Variants in IQCN observed in about 807,000 individuals in gnomAD.
IQCN encodes IQ domain-containing protein N.
A neutral mutation model predicts 64.4 loss-of-function variants in IQCN; 46 were observed. That is an observed-to-expected ratio of 0.71 (90% CI 0.56 to 0.91). IQCN has a LOEUF of 0.91. Ranked by LOEUF, IQCN falls within the 40% of genes least tolerant of loss-of-function variation. The pLI is 0.00. For synonymous variants in IQCN, 733 were observed against 775.6 expected (o/e 0.95, Z 0.91); for missense variants, 1,753 against 1,857.4 (o/e 0.94, Z 1.03).
In IQCN at chr19:18,269,584, TG is replaced by T; in HGVS notation, c.-107del. The T allele has an allele frequency of 9.2e-7, 1 of 1,084,018 alleles. No homozygotes were observed. Among genetic ancestry groups the T allele is most frequent in the South Asian group, 1.4e-5 (1 of 70,502 alleles). 67.1% of individuals were successfully genotyped at this position (1,084,018 alleles called of 1,614,324 possible). ...CATGCAATATGCAGCAACACTGCCC[TG>T]GGCTGGCTCAAGACCAACACAAAAA... On this transcript the variant is annotated splice_region_variant and 5_prime_UTR_variant, in exon 2 of 4. Coordinates refer to ENST00000392413, the MANE Select transcript of IQCN (RefSeq NM_001145304.2).
intron 1 of IQCN, among the ~76,000 whole-genome samples, chr19:18,272,801 G>A (rs1345869377): frequency 1.3e-5 from 2 of 151,774 alleles, no homozygotes; most frequent in Non-Finnish European, 2.9e-5. Flanking sequence ...TAGTAGAGAC[G>A]GGGTTTCACT....
intron 2 of IQCN, among the ~76,000 whole-genome samples, chr19:18,268,224 AAG>A (rs940402845): frequency 3.8e-4 from 43 of 113,916 alleles, no homozygotes; most frequent in South Asian, 2.9e-4. Context: ...GTGTTTGAAA[AAG>A]AGAGAGAGAG....
In IQCN at chr19:18,267,048, A is replaced by G; in HGVS notation, c.492T>C (p.Pro164=). Residue 164 remains proline (P), a synonymous_variant, in exon 3 of 4, where the codon CCT becomes CCC. Coordinates refer to ENST00000392413, the MANE Select transcript of IQCN (RefSeq NM_001145304.2). The part of the protein sequence containing the change: ...KKTRAEEGDI[P]YHAPQQVRFQ... ...AGCGCACCTGCTGTGGGGCGTGATA[A>G]GGTATGTCCCCCTCCTCCGCCCTCG... 2 of 1,614,220 alleles carry G rather than the reference A, an allele frequency of 1.2e-6. No individual in the cohort carries two copies. Among genetic ancestry groups the G allele is most frequent in the Middle Eastern group, 1.6e-4 (1 of 6,062 alleles).
At chr19:18,273,463 A>G (rs1437691679) in intron 1 of IQCN, among the ~76,000 whole-genome samples, 2 of 152,124 alleles carry the variant, frequency 1.3e-5, no homozygotes, top group Admixed American at 6.5e-5. Flanking sequence ...CAGCCTCCCA[A>G]ATAGCTAGGA....
At chr19:18,262,025 T>C (rs1262824544) in intron 3 of IQCN, 3 of 153,050 alleles carry the variant, frequency 2.0e-5, no homozygotes, top group African/African-American at 4.8e-5. Flanking sequence ...TGGCCACAGA[T>C]AGGTAGCCTG....
At chr19:18,258,160 G>A (rs746253487) in intron 3 of IQCN, 54 bp from the exon 4 acceptor site, 1 of 1,573,554 alleles carries the variant, frequency 6.4e-7, no homozygotes, top group Non-Finnish European at 8.7e-7. Context: ...GGATTCTGGG[G>A]GCTATAGGAG....
chr19:18,266,277 C>T lies in IQCN; in HGVS notation c.1263G>A (p.Ala421=), dbSNP rs377121664. The change falls in exon 3 of 4, where the codon GCG becomes GCA. Residue 421 remains alanine (A), a synonymous_variant. Transcript: ENST00000392413. This position sits in a 1 kb window ranked among gnomAD's most constrained non-coding sequence, Gnocchi z 4.3. ...RTGTPRQTCP[A]TITAKNRPQV... is the part of the protein sequence containing the mutation. ...GAGGTCGGTTCTTTGCCGTGATGGT[C>T]GCAGGGCATGTCTGCCGTGGGGTGC... The T allele has an allele frequency of 2.9e-5, 47 of 1,613,136 alleles. No homozygotes were observed. The highest frequency in any genetic ancestry group is 1.6e-4 in the Middle Eastern group (1 of 6,074).
chr19:18,266,274 G>A lies in IQCN; in HGVS notation c.1266C>T (p.Thr422=). 6.2e-7 allele frequency: 1 copy of A among 1,613,696 alleles called. No homozygotes were observed. Among genetic ancestry groups the A allele is most frequent in the Non-Finnish European group, 8.5e-7 (1 of 1,179,796 alleles). ...CCTGAGGTCGGTTCTTTGCCGTGAT[G>A]GTCGCAGGGCATGTCTGCCGTGGGG... ...TGTPRQTCPA[T]ITAKNRPQVS... The change falls in exon 3 of 4, where the codon ACC becomes ACT. Residue 422 remains threonine, a synonymous_variant. Coordinates refer to ENST00000392413, the MANE Select transcript of IQCN (RefSeq NM_001145304.2). The surrounding 1 kb of genome is among the most constrained non-coding windows in gnomAD (Gnocchi z 4.3).
rs181166303 is a variant in IQCN at position 18,272,405 on chromosome 19, G to A, written c.-110+1998C>T. 5.4e-3 allele frequency among the ~76,000 whole-genome samples: 818 copies of A among 152,194 alleles called. 3 individuals are homozygous for A. Among genetic ancestry groups the A allele is most frequent in the Non-Finnish European group, 7.9e-3 (538 of 68,010 alleles). ...GGCCTCCCAAAGTGCTGGGATTACA[G>A]GCATGAGCCACCGCGCCCGGCCTTA... On this transcript the variant is annotated intron_variant, in intron 1 of 3. Coordinates refer to ENST00000392413, the MANE Select transcript of IQCN (RefSeq NM_001145304.2).
chr19:18,266,820 G>C lies in IQCN; in HGVS notation c.720C>G (p.His240Gln). Residue 240 changes from histidine (H) to glutamine (Q), a missense_variant, in exon 3 of 4, where the codon CAC becomes CAG. Physicochemically the swap from His to Gln is conservative, Grantham distance 24 (BLOSUM62 0). Coordinates refer to ENST00000392413, the MANE Select transcript of IQCN (RefSeq NM_001145304.2). This position sits in a 1 kb window ranked among gnomAD's most constrained non-coding sequence, Gnocchi z 4.3. The part of the protein sequence containing the change: ...ARVRGLAFLP[H>Q]QTVTIRFPCP... The stretch of plus-strand genomic sequence containing the variant: ...AGGGAAATCTGATGGTGACCGTCTG[G>C]TGTGGCAGGAAGGCCAGCCCCCGGA... 2 of 1,614,136 alleles carry C rather than the reference G, an allele frequency of 1.2e-6. No homozygotes were observed. The highest frequency in any genetic ancestry group is 1.6e-4 in the Middle Eastern group (1 of 6,062).
Position 18,269,591 on chromosome 19 carries a change from G to T in IQCN, c.-109-4C>A. The stretch of plus-strand genomic sequence containing the variant: ...TATGCAGCAACACTGCCCTGGGCTG[G>T]CTCAAGACCAACACAAAAAGAAATG... On this transcript the variant is annotated splice_polypyrimidine_tract_variant and splice_region_variant and intron_variant, in intron 1 of 3. Transcript: ENST00000392413. 2.3e-6 allele frequency: 2 copies of T among 854,254 alleles called. No homozygotes were observed. Among genetic ancestry groups the T allele is most frequent in the East Asian group, 2.9e-5 (1 of 34,870 alleles). The allele number at this position is 854,254 out of a possible 1,614,324, so 52.9% of individuals were successfully genotyped here. A position where few individuals can be genotyped will look rare whatever the true frequency, so the allele number is the denominator to read the frequency against.
Position 18,264,622 on chromosome 19 carries a change from T to C in IQCN, c.2918A>G (p.Glu973Gly). ...LTKVMQGKLAEVLSKALTEEE... is the reference protein window; with the variant it reads ...LTKVMQGKLAGVLSKALTEEE... Reference sequence around the variant, plus strand: ...CTCCGTCAAAGCCTTGCTAAGCACCTCGGCCAATTTACCCTGCATGACCTT... The same window carrying C: ...CTCCGTCAAAGCCTTGCTAAGCACCCCGGCCAATTTACCCTGCATGACCTT... Residue 973 changes from glutamate (E) to glycine (G), a missense_variant, in exon 3 of 4, where the codon GAG (glutamate) becomes GGG (glycine). Physicochemically the swap from Glu to Gly is moderately conservative, Grantham distance 98. Coordinates refer to ENST00000392413, the MANE Select transcript of IQCN (RefSeq NM_001145304.2). The surrounding 1 kb of genome is among the most constrained non-coding windows in gnomAD (Gnocchi z 4.3). 1 of 1,551,242 alleles carries C rather than the reference T, an allele frequency of 6.4e-7. No individual in the cohort carries two copies. Among genetic ancestry groups the C allele is most frequent in the East Asian group, 2.4e-5 (1 of 40,882 alleles).
rs1294386148 is a variant in IQCN, at chr19:18,266,475, T to C, written c.1065A>G (p.Pro355=). 6.3e-7 allele frequency: 1 copy of C among 1,587,040 alleles called. No individual in the cohort carries two copies. Among genetic ancestry groups the C allele is most frequent in the Non-Finnish European group, 8.6e-7 (1 of 1,167,156 alleles). ...VVSVTLPQTY[P]ASTMTTTPPK... is the part of the protein sequence containing the mutation. Reference sequence around the variant, plus strand: ...GTGGGGTGGTGGTCATCGTGGACGCTGGATATGTCTGTGGCAGGGTCACGG... The same window carrying C: ...GTGGGGTGGTGGTCATCGTGGACGCCGGATATGTCTGTGGCAGGGTCACGG... Residue 355 remains proline (P), a synonymous_variant, in exon 3 of 4, where the codon CCA becomes CCG. Transcript: ENST00000392413. The surrounding 1 kb of genome is among the most constrained non-coding windows in gnomAD (Gnocchi z 4.3).
rs983395872 is a variant in IQCN, at chr19:18,266,777, C to T, written c.763G>A (p.Ala255Thr). 3.1e-6 allele frequency: 5 copies of T among 1,614,050 alleles called. No individual in the cohort carries two copies. The highest frequency in any genetic ancestry group is 4.5e-5 in the East Asian group (2 of 44,898). Residue 255 changes from alanine (A) to threonine (T), a missense_variant, in exon 3 of 4, where the codon GCA (alanine) becomes ACA (threonine). Transcript: ENST00000392413. The surrounding 1 kb of genome is among the most constrained non-coding windows in gnomAD (Gnocchi z 4.3). ...IRFPCPVSLDAKCQPCLLTRT... is the reference protein window; with the variant it reads ...IRFPCPVSLDTKCQPCLLTRT... ...GTCAGCAGGCATGGCTGGCATTTTGCGTCCAGACTCACTGGGCAGGGAAAT... is the reference window on the plus strand; with the variant it reads ...GTCAGCAGGCATGGCTGGCATTTTGTGTCCAGACTCACTGGGCAGGGAAAT...
Position 18,265,147 on chromosome 19 carries a change from T to G in IQCN, c.2393A>C (p.Lys798Thr). 6.2e-7 allele frequency: 1 copy of G among 1,607,188 alleles called. No individual in the cohort carries two copies. The highest frequency in any genetic ancestry group is 2.2e-5 in the East Asian group (1 of 44,878). Reference protein sequence around the residue: ...LGGLSAPPWAKPEDRQTQPQP... With the variant: ...LGGLSAPPWATPEDRQTQPQP... ...TGGCTGGGTCTGTCTGTCCTCTGGC[T>G]TGGCCCAGGGTGGGGCGCTGAGGCC... The change falls in exon 3 of 4, where the codon AAG (lysine) becomes ACG (threonine). Residue 798 changes from lysine to threonine, a missense_variant. By Grantham distance (78) the Lys-to-Thr change is moderately conservative. Transcript: ENST00000392413. This position sits in a 1 kb window ranked among gnomAD's most constrained non-coding sequence, Gnocchi z 4.7.
In IQCN at chr19:18,257,946, C is replaced by T. The variant is rs778676149; in HGVS notation, c.3338G>A (p.Arg1113His). The T allele has an allele frequency of 3.7e-6, 6 of 1,612,872 alleles. No homozygotes were observed. Among genetic ancestry groups the T allele is most frequent in the Non-Finnish European group, 5.1e-6 (6 of 1,179,956 alleles). The change falls in exon 4 of 4, where the codon CGC (arginine) becomes CAC (histidine). Residue 1113 changes from arginine (R) to histidine (H), a missense_variant. Physicochemically the swap from Arg to His is conservative, Grantham distance 29. Transcript: ENST00000392413. ...MVSMQAAEEI[R>H]ILAVITIQAG... ...CTGGATAGTGATCACTGCGAGGATG[C>T]GGATCTCCTCTGCAGCCTGCATGGA...
At position 18,267,476 on chromosome 19, in the gene IQCN, T is replaced by C. The variant is rs1460712409; in HGVS notation, c.64A>G (p.Thr22Ala). Residue 22 changes from threonine to alanine, a missense_variant, in exon 3 of 4, where the codon ACA becomes GCA. Transcript: ENST00000392413. The part of the protein sequence containing the change: ...NQGNAAGRLA[T>A]VHEPVVTQWA... ...TGGGTGACAACTGGCTCGTGAACTG[T>C]AGCTAGGCGGCCGGCTGCATTGCCT... 3.3e-6 allele frequency: 5 copies of C among 1,531,540 alleles called. No individual in the cohort carries two copies. Among genetic ancestry groups the C allele is most frequent in the Non-Finnish European group, 4.4e-6 (5 of 1,142,684 alleles). The allele number at this position is 1,531,540 out of a possible 1,614,324, so 94.9% of individuals were successfully genotyped here. A position where few individuals can be genotyped will look rare whatever the true frequency, so the allele number is the denominator to read the frequency against.
intron 1 of IQCN, among the ~76,000 whole-genome samples, chr19:18,271,810 T>C (rs1310355102): frequency 1.3e-5 from 2 of 152,126 alleles, no homozygotes; most frequent in Non-Finnish European, 2.9e-5. Context: ...ATCATTTATT[T>C]ATTTATGATT....
chr19:18,264,272 G>T lies in IQCN; in HGVS notation c.3177+91C>A. On this transcript the variant is annotated intron_variant, in intron 3 of 3. Transcript: ENST00000392413. The surrounding 1 kb of genome is among the most constrained non-coding windows in gnomAD (Gnocchi z 4.3). ...CAGATAAGCAGGGTGACCCCCACAAGATGGCCCCATCAATCCCCCATCTCC... is the reference window on the plus strand; with the variant it reads ...CAGATAAGCAGGGTGACCCCCACAATATGGCCCCATCAATCCCCCATCTCC... 8.8e-7 allele frequency: 1 copy of T among 1,138,280 alleles called. No homozygotes were observed. The highest frequency in any genetic ancestry group is 1.2e-6 in the Non-Finnish European group (1 of 829,744). The allele number at this position is 1,138,280 out of a possible 1,614,324, so 70.5% of individuals were successfully genotyped here. A position where few individuals can be genotyped will look rare whatever the true frequency, so the allele number is the denominator to read the frequency against.
Sources: allele counts gnomAD v4.1 joint callset (sites outside exome capture counted in the v4.1 genomes callset), GRCh38; gene constraint gnomAD v4.1.1; non-coding constraint Gnocchi (gnomAD v3.1); transcripts MANE v1.5; gene names NCBI Gene and HGNC (gene_info 2026-07-23, HGNC 2026-07-21).